TAF3: variants seen among roughly 807,000 people sequenced by gnomAD.
The protein encoded by TAF3 is transcription initiation factor TFIID subunit 3.
TAF3 carries 7 observed loss-of-function variants against 80.6 expected under a neutral mutation model. The observed-to-expected ratio is 0.09, with a 90% CI of 0.05 to 0.16. The LOEUF is 0.16. TAF3 is among the 10% of genes least tolerant of loss of function. The probability of loss-of-function intolerance (pLI) is 1.00; values close to 1 mark genes in which losing one functional copy is unlikely to be tolerated. For synonymous variants in TAF3, 444 were observed against 446.1 expected (o/e 1.00, Z 0.06); for missense variants, 921 against 1,140.2 (o/e 0.81, Z 2.77).
At chr10:7,872,513 A>C (rs1302079979) in intron 2 of TAF3, among the ~76,000 whole-genome samples, 1 of 152,184 alleles carries the variant, frequency 6.6e-6, no homozygotes, top group Non-Finnish European at 1.5e-5. Context: ...AGTATGTTTC[A>C]TTTAGGTGCT....
At chr10:7,842,153 T>G (rs967034760) in intron 2 of TAF3, among the ~76,000 whole-genome samples, 7 of 115,120 alleles carry the variant, frequency 6.1e-5, no homozygotes, top group South Asian at 3.1e-4. Context: ...TTAATATTGT[T>G]TTTTTTTTTT....
At chr10:7,955,068 G>A (rs1838122674) in intron 2 of TAF3, among the ~76,000 whole-genome samples, 3 of 152,252 alleles carry the variant, frequency 2.0e-5, no homozygotes, top group Non-Finnish European at 4.4e-5. Context: ...CACTCCATAT[G>A]TGAATGAATG....
chr10:7,871,294 G>C (rs11255418), intron 2 of TAF3, among the ~76,000 whole-genome samples: 30,410 of 151,860 alleles, frequency 0.2, 3,148 homozygotes, highest in East Asian at 0.3. Context: ...TGAGATCTGT[G>C]TGCTAAGCAT....
Position 8,016,344 on chromosome 10 carries a change from T to C in TAF3, c.*1593T>C, listed in dbSNP as rs1248440527. ...TTAAAACATTATGTGGTTAGAGAAA[T>C]GCGGTTTTCTGCCATGAATGTTAAG... On this transcript the variant is annotated 3_prime_UTR_variant, in exon 7 of 7. Coordinates refer to ENST00000344293, the MANE Select transcript of TAF3 (RefSeq NM_031923.4). 2 of 152,180 alleles carry C rather than the reference T, an allele frequency of 1.3e-5. No individual in the cohort carries two copies. The highest frequency in any genetic ancestry group is 4.8e-5 in the African/African-American group (2 of 41,440). 9.4% of individuals were successfully genotyped at this position (152,180 alleles called of 1,614,324 possible). A position where few individuals can be genotyped will look rare whatever the true frequency, so the allele number is the denominator to read the frequency against.
intron 4 of TAF3, among the ~76,000 whole-genome samples, chr10:7,978,610 A>G (rs1187194511): frequency 2.0e-5 from 3 of 152,188 alleles, no homozygotes; most frequent in Non-Finnish European, 4.4e-5. Flanking sequence ...TAATGCCCCT[A>G]TCTTACCTAC....
At chr10:7,954,781 A>G (rs1838119221) in intron 2 of TAF3, among the ~76,000 whole-genome samples, 1 of 140,198 alleles carries the variant, frequency 7.1e-6, no homozygotes. Context: ...AGTGAGATTC[A>G]GAGTGCCCTC....
intron 2 of TAF3, among the ~76,000 whole-genome samples, chr10:7,951,673 C>T (rs1838084214): frequency 6.6e-6 from 1 of 152,216 alleles, no homozygotes; most frequent in South Asian, 2.1e-4. Flanking sequence ...GGAAGAATGT[C>T]TGTTCATTTT....
intron 4 of TAF3, among the ~76,000 whole-genome samples, chr10:7,985,674 A>G (rs1831769065): frequency 6.6e-6 from 1 of 152,264 alleles, no homozygotes; most frequent in East Asian, 1.9e-4. Context: ...CTTATTGTAC[A>G]AACCCGGTCT....
intron 2 of TAF3, among the ~76,000 whole-genome samples, chr10:7,963,058 C>G (rs61019189): frequency 1.3e-5 from 2 of 152,078 alleles, no homozygotes; most frequent in African/African-American, 4.8e-5. Flanking sequence ...TAACTCTAGC[C>G]GAAAAACCAT....
intron 3 of TAF3, among the ~76,000 whole-genome samples, chr10:7,972,537 T>G (rs548727719): frequency 2.0e-4 from 30 of 152,338 alleles, no homozygotes; most frequent in African/African-American, 6.5e-4. Context: ...ATACAAACAC[T>G]GTAATTACAG....
intron 2 of TAF3, among the ~76,000 whole-genome samples, chr10:7,959,168 AAAG>A (rs1838166151): frequency 1.3e-5 from 2 of 150,450 alleles, no homozygotes; most frequent in South Asian, 4.3e-4. Context: ...ACACACAAAA[AAAG>A]TTTCAGGCTT....
At chr10:7,848,523 T>C (rs1266265581) in intron 2 of TAF3, among the ~76,000 whole-genome samples, 2 of 152,204 alleles carry the variant, frequency 1.3e-5, no homozygotes, top group African/African-American at 4.8e-5. Flanking sequence ...CACCCAGTCA[T>C]CAGCCAGCAA....
intron 2 of TAF3, among the ~76,000 whole-genome samples, chr10:7,925,038 T>C (rs1264621520): frequency 6.6e-6 from 1 of 152,214 alleles, no homozygotes; most frequent in Non-Finnish European, 1.5e-5. Flanking sequence ...AATTTTTTAA[T>C]TCACTTTTTC....
At chr10:7,954,114 A>C (rs1438050114) in intron 2 of TAF3, among the ~76,000 whole-genome samples, 2 of 138,048 alleles carry the variant, frequency 1.4e-5, no homozygotes, top group Non-Finnish European at 3.2e-5. Flanking sequence ...AGTGCACTCC[A>C]TAGGTGAATG....
chr10:7,862,481 G>T (rs1837157899), intron 2 of TAF3, among the ~76,000 whole-genome samples: 1 of 152,078 alleles, frequency 6.6e-6, no homozygotes, highest in Non-Finnish European at 1.5e-5. Flanking sequence ...ATATGTGTCT[G>T]TTTTCTGGAC....
Position 7,956,372 on chromosome 10 carries a change from A to G in TAF3, c.410-7548A>G, listed in dbSNP as rs576244426. Among the ~76,000 whole-genome samples, 440 of 152,216 alleles carry G rather than the reference A, an allele frequency of 2.9e-3. 2 individuals are homozygous for G. The highest frequency in any genetic ancestry group is 0.01 in the African/African-American group (421 of 41,520). On this transcript the variant is annotated intron_variant, in intron 2 of 6. Transcript: ENST00000344293. ...CATAGTGGCACGTGCCTATAATCCC[A>G]GCTACTCGGGAGGCTGAGGCAGGAG...
chr10:7,851,649 A>G lies in TAF3; in HGVS notation c.409+27089A>G, dbSNP rs534016957. Among the ~76,000 whole-genome samples, 30 of 152,110 alleles carry G rather than the reference A, an allele frequency of 2.0e-4. 1 individual carries two copies. The South Asian group carries it at 6.2e-3, about 32-fold the overall frequency. ...GTGCCCCTTTCCCTTCTCCCCTTTC[A>G]TGTTGGCTTGATGAAAAGCCCTGAT... On this transcript the variant is annotated intron_variant, in intron 2 of 6. Transcript: ENST00000344293.
At chr10:7,976,082 C>T (rs556421452) in intron 3 of TAF3, among the ~76,000 whole-genome samples, 1 of 152,248 alleles carries the variant, frequency 6.6e-6, no homozygotes, top group East Asian at 1.9e-4. Flanking sequence ...ATATGATCTG[C>T]AAACCAACAA....
At chr10:7,828,750 T>C (rs920979659) in intron 2 of TAF3, among the ~76,000 whole-genome samples, 1 of 151,696 alleles carries the variant, frequency 6.6e-6, no homozygotes, top group African/African-American at 2.4e-5. Flanking sequence ...GAAAGAAATA[T>C]AGGCTGGGCG....
Sources: gnomAD v4.1 joint callset for allele counts (sites outside exome capture counted in the v4.1 genomes callset) on GRCh38, gnomAD v4.1.1 for gene constraint, MANE v1.5 for transcripts, NCBI Gene and HGNC (gene_info 2026-07-23, HGNC 2026-07-21) for gene names.